The following FRMPD1 variants were observed in gnomAD, a reference collection of about 807,000 sequenced individuals.
The protein encoded by FRMPD1 is FERM and PDZ domain-containing protein 1.
A neutral mutation model predicts 117.8 loss-of-function variants in FRMPD1; 76 were observed. That is an observed-to-expected ratio of 0.65 (90% CI 0.54 to 0.78). FRMPD1 has a LOEUF of 0.78. Among genes scored for constraint, FRMPD1 ranks in the 30% least tolerant of loss-of-function variants. The pLI is 0.00. For missense variants in FRMPD1, 1,786 were observed against 1,964.5 expected, an observed-to-expected ratio of 0.91 and a Z score of 1.72; for synonymous variants, 783 against 770.4, an observed-to-expected ratio of 1.02 and a Z score of -0.27.
At chr9:37,669,175 GA>G (rs912756699) in intron 1 of FRMPD1, among the ~76,000 whole-genome samples, 15 of 152,146 alleles carry the variant, frequency 9.9e-5, no homozygotes, top group African/African-American at 3.4e-4. Context: ...GTGAGAAGGG[GA>G]AAAAAATCAC....
Position 37,685,588 on chromosome 9 carries a change from A to C in FRMPD1, c.-4-7050A>C, listed in dbSNP as rs370469332. On this transcript the variant is annotated intron_variant, in intron 1 of 15. Transcript: ENST00000377765. ...AATGGCGTGAACCCATGAGGCGGAGATTGCGGTGAGCCGAGATCTTGCCAC... is the reference window on the plus strand; with the variant it reads ...AATGGCGTGAACCCATGAGGCGGAGCTTGCGGTGAGCCGAGATCTTGCCAC... 4.2e-4 allele frequency among the ~76,000 whole-genome samples: 64 copies of C among 151,754 alleles called. 1 individual carries two copies. The highest frequency in any genetic ancestry group is 6.0e-4 in the African/African-American group (25 of 41,378).
At chr9:37,709,219 A>C (rs930242983) in intron 4 of FRMPD1, among the ~76,000 whole-genome samples, 2 of 152,154 alleles carry the variant, frequency 1.3e-5, no homozygotes, top group African/African-American at 4.8e-5. Flanking sequence ...ACATTGTTCT[A>C]ATGACTAGTA....
At chr9:37,695,758 A>G (rs538330550) in intron 2 of FRMPD1, among the ~76,000 whole-genome samples, 56 of 152,244 alleles carry the variant, frequency 3.7e-4, no homozygotes, top group African/African-American at 1.2e-3. Context: ...AGCTCCTATC[A>G]GTTTGCCTTC....
upstream of FRMPD1, among the ~76,000 whole-genome samples, chr9:37,647,490 C>T (rs1049774595): frequency 2.9e-5 from 4 of 136,716 alleles, no homozygotes; most frequent in African/African-American, 1.1e-4. Context: ...CCAGCCTGGG[C>T]GAAGAGCGAG....
chr9:37,637,075 G>C, the FRMPD1 span: 6 of 1,556,460 alleles, frequency 3.9e-6, no homozygotes, highest in Non-Finnish European at 5.3e-6. Flanking sequence ...AGCTGGAAGT[G>C]ATGGTCCAGA....
chr9:37,734,138 G>C (rs908782056), intron 12 of FRMPD1, among the ~76,000 whole-genome samples: 1 of 152,202 alleles, frequency 6.6e-6, no homozygotes, highest in Non-Finnish European at 1.5e-5. Flanking sequence ...TTTGGAGACA[G>C]AAGGTAGCAC....
At chr9:37,637,225 G>A in the FRMPD1 span, 5 of 1,610,210 alleles carry the variant, frequency 3.1e-6, 1 homozygote, top group South Asian at 5.5e-5. Context: ...GCAGGAGCAG[G>A]CATGACTTGC....
chr9:37,686,771 G>A (rs1821962247), intron 1 of FRMPD1, among the ~76,000 whole-genome samples: 1 of 152,186 alleles, frequency 6.6e-6, no homozygotes, highest in Non-Finnish European at 1.5e-5. Context: ...CCTTCAAAAG[G>A]CGTGGAAAGG....
At chr9:37,705,107 GTGTTTTGT>G (rs1211900998) in intron 2 of FRMPD1, among the ~76,000 whole-genome samples, 1 of 151,676 alleles carries the variant, frequency 6.6e-6, no homozygotes, top group African/African-American at 2.4e-5. Flanking sequence ...TTTTGTGGCT[GTGTTTTGT>G]GTTTTTATCC....
At chr9:37,688,178 G>A (rs922477779) in intron 1 of FRMPD1, among the ~76,000 whole-genome samples, 4 of 150,142 alleles carry the variant, frequency 2.7e-5, no homozygotes, top group African/African-American at 9.7e-5. Flanking sequence ...ATTTTTATAT[G>A]GGAAACATAT....
At chr9:37,724,422 C>T in intron 7 of FRMPD1, 102 bp downstream of exon 7, 1 of 634,428 alleles carries the variant, frequency 1.6e-6, no homozygotes. Context: ...GTCTCACAAA[C>T]ACCGTGGTCT....
chr9:37,679,812 C>T (rs1012213800), intron 1 of FRMPD1, among the ~76,000 whole-genome samples: 3 of 152,244 alleles, frequency 2.0e-5, no homozygotes, highest in Non-Finnish European at 4.4e-5. Flanking sequence ...TGCTCTTTCC[C>T]TGCACCAGGG....
chr9:37,655,496 CTTTTTTTTTTT>C (rs10615941), intron 1 of FRMPD1, among the ~76,000 whole-genome samples: 6,684 of 88,828 alleles, frequency 0.075, 270 homozygotes, highest in Middle Eastern at 0.15. Context: ...TGTCCCCACT[CTTTTTTTTTTT>C]TTTTTTTTTT....
At chr9:37,688,705 T>C (rs1159316965) in intron 1 of FRMPD1, among the ~76,000 whole-genome samples, 1 of 152,116 alleles carries the variant, frequency 6.6e-6, no homozygotes, top group Non-Finnish European at 1.5e-5. Context: ...TAATACCATA[T>C]AACCATTTTA....
At position 37,745,586 on chromosome 9, in the gene FRMPD1, G is replaced by A; in HGVS notation, c.3554G>A (p.Ser1185Asn). Reference protein sequence around the residue: ...PHPPRDPQGQSREPPGQGCQA... With the variant: ...PHPPRDPQGQNREPPGQGCQA... The stretch of plus-strand genomic sequence containing the variant: ...CCCCCTAGAGACCCTCAAGGACAGA[G>A]CAGAGAACCCCCAGGGCAAGGCTGC... The change falls in exon 16 of 16, where the codon AGC becomes AAC. Residue 1185 changes from serine (S) to asparagine (N), a missense_variant. Coordinates refer to ENST00000377765, the MANE Select transcript of FRMPD1 (RefSeq NM_014907.3). 1 of 1,614,134 alleles carries A rather than the reference G, an allele frequency of 6.2e-7. No homozygotes were observed. The highest frequency in any genetic ancestry group is 8.5e-7 in the Non-Finnish European group (1 of 1,179,988).
chr9:37,634,532 T>C, the FRMPD1 span, among the ~76,000 whole-genome samples: 1 of 152,232 alleles, frequency 6.6e-6, no homozygotes, highest in Non-Finnish European at 1.5e-5. Context: ...ATAATCCTTG[T>C]CCTTCCTGTG....
At chr9:37,685,552 T>A (rs1821903511) in intron 1 of FRMPD1, among the ~76,000 whole-genome samples, 1 of 151,882 alleles carries the variant, frequency 6.6e-6, no homozygotes, top group African/African-American at 2.4e-5. Flanking sequence ...CTCGGGAGGC[T>A]GAGGCAGGAG....
chr9:37,643,814 C>T, the FRMPD1 span, among the ~76,000 whole-genome samples: 2 of 152,124 alleles, frequency 1.3e-5, no homozygotes, highest in Non-Finnish European at 2.9e-5. Context: ...CTCCAGTGGC[C>T]TGGTGGTGAA....
At chr9:37,720,771 C>G (rs1021726733) in intron 6 of FRMPD1, among the ~76,000 whole-genome samples, 13 of 152,228 alleles carry the variant, frequency 8.5e-5, no homozygotes, top group Admixed American at 2.0e-4. Context: ...CCTGTAATCC[C>G]AGCTACTTGG....
Sources: allele counts gnomAD v4.1 joint callset (sites outside exome capture counted in the v4.1 genomes callset), GRCh38; gene constraint gnomAD v4.1.1; transcripts MANE v1.5; gene names NCBI Gene and HGNC (gene_info 2026-07-23, HGNC 2026-07-21).